Variants in INO80 observed in about 807,000 individuals in gnomAD.
INO80 encodes the protein INO80 complex ATPase subunit.
Under a neutral mutation model 203.4 loss-of-function variants are expected in INO80, and 20 were observed. The ratio of observed to expected loss-of-function variants is 0.10; its 90% confidence interval spans 0.07 to 0.14. INO80 has a LOEUF of 0.14. Ranked by LOEUF, INO80 falls within the 10% of genes least tolerant of loss-of-function variation. INO80 has a pLI of 1.00. For synonymous variants in INO80, 726 were observed against 685.2 expected (o/e 1.06, Z -0.93); for missense variants, 1,419 against 1,914.4 (o/e 0.74, Z 4.83).
intron 35 of INO80, 115 bp downstream of exon 35, chr15:40,982,747 G>A: frequency 1.2e-6 from 1 of 810,154 alleles, no homozygotes; most frequent in Non-Finnish European, 2.0e-6. Context: ...CCCAATTGGG[G>A]CTCTAGGAAG....
At chr15:41,069,129 A>G (rs1490857755) in intron 14 of INO80, among the ~76,000 whole-genome samples, 4 of 152,066 alleles carry the variant, frequency 2.6e-5, no homozygotes, top group African/African-American at 9.7e-5. Flanking sequence ...GGAACAATGT[A>G]TATTTTTGTT....
chr15:41,074,262 G>T, intron 10 of INO80, 108 bp downstream of exon 10: 1 of 639,370 alleles, frequency 1.6e-6, no homozygotes, highest in Non-Finnish European at 2.6e-6. Flanking sequence ...TCTCTTTTCT[G>T]GTAAATTACC....
chr15:41,060,693 T>C (rs75578916), intron 14 of INO80, among the ~76,000 whole-genome samples: 2 of 152,170 alleles, frequency 1.3e-5, no homozygotes, highest in African/African-American at 4.8e-5. Context: ...CAGTAAATCA[T>C]ACATAGACTT....
chr15:41,070,839 A>G (rs959897362), intron 12 of INO80, among the ~76,000 whole-genome samples: 2 of 152,216 alleles, frequency 1.3e-5, no homozygotes, highest in African/African-American at 4.8e-5. Flanking sequence ...TAAGAAATAC[A>G]CAAATATTCT....
chr15:41,087,723 T>C (rs201244254), intron 5 of INO80, 41 bp from the exon 6 acceptor site: 185 of 1,570,060 alleles, frequency 1.2e-4, no homozygotes, highest in Non-Finnish European at 1.4e-4. Context: ...TTTTCTATAG[T>C]ACAGCTTTCA....
At chr15:41,100,352 G>A (rs1322926430) in intron 1 of INO80, among the ~76,000 whole-genome samples, 1 of 152,276 alleles carries the variant, frequency 6.6e-6, no homozygotes, top group Non-Finnish European at 1.5e-5. Context: ...GGGATTACAG[G>A]TGTGAGCCAC....
At chr15:40,983,136 G>A (rs1305465372) in intron 34 of INO80, 59 bp from the exon 35 acceptor site, 2 of 1,375,986 alleles carry the variant, frequency 1.5e-6, no homozygotes, top group Non-Finnish European at 2.0e-6. Context: ...TCTCCAAGAT[G>A]TTAACATCAC....
intron 1 of INO80, among the ~76,000 whole-genome samples, chr15:41,103,168 T>C (rs1426803842): frequency 1.3e-5 from 2 of 152,214 alleles, no homozygotes; most frequent in African/African-American, 2.4e-5. Flanking sequence ...CACCCCCTTC[T>C]ACTTCTCTCC....
chr15:41,060,167 C>A (rs529016618), intron 14 of INO80, among the ~76,000 whole-genome samples: 13 of 152,226 alleles, frequency 8.5e-5, no homozygotes, highest in Non-Finnish European at 1.8e-4. Flanking sequence ...TACAGAGGCC[C>A]AAATCAGAAA....
intron 29 of INO80, among the ~76,000 whole-genome samples, chr15:40,988,909 G>T (rs1228843397): frequency 2.0e-5 from 3 of 152,052 alleles, no homozygotes; most frequent in Non-Finnish European, 4.4e-5. Context: ...CAGCTATCTG[G>T]GAGGCTAAGG....
intron 9 of INO80, 122 bp downstream of exon 9, chr15:41,079,574 CAAAAA>C (rs57754557): frequency 4.6e-6 from 3 of 646,502 alleles, no homozygotes; most frequent in Admixed American, 2.9e-5. Context: ...GCATCTCTAC[CAAAAA>C]AAAAAAAAAA....
At chr15:40,996,036 TGA>T (rs35496221) in intron 29 of INO80, among the ~76,000 whole-genome samples, 39 of 149,474 alleles carry the variant, frequency 2.6e-4, no homozygotes, top group South Asian at 6.3e-4. Flanking sequence ...ATCAGATTAG[TGA>T]GAGAGAGAGA....
At chr15:41,023,790 A>G (rs1296997204) in intron 25 of INO80, among the ~76,000 whole-genome samples, 11 of 140,450 alleles carry the variant, frequency 7.8e-5, no homozygotes, top group African/African-American at 2.1e-4. Context: ...AAAACAAAAC[A>G]AAACGAAAAA....
intron 29 of INO80, among the ~76,000 whole-genome samples, chr15:40,989,721 G>C (rs1001200284): frequency 6.6e-6 from 1 of 152,198 alleles, no homozygotes; most frequent in Non-Finnish European, 1.5e-5. Context: ...GAGATCACAG[G>C]TGCCTGCCAC....
chr15:41,031,738 G>C (rs1224912916), intron 24 of INO80, among the ~76,000 whole-genome samples: 1 of 151,820 alleles, frequency 6.6e-6, no homozygotes, highest in Admixed American at 6.6e-5. Flanking sequence ...TCATGCTCTT[G>C]AATGTCTCAT....
chr15:40,990,591 C>T (rs1212153926), intron 29 of INO80, among the ~76,000 whole-genome samples: 2 of 152,126 alleles, frequency 1.3e-5, no homozygotes, highest in Non-Finnish European at 1.5e-5. Flanking sequence ...AAACTGCTGG[C>T]GAAAGAAAGT....
chr15:41,112,108 C>T (rs1596335500), intron 1 of INO80, among the ~76,000 whole-genome samples: 1 of 152,202 alleles, frequency 6.6e-6, no homozygotes, highest in South Asian at 2.1e-4. Flanking sequence ...CCTATATTGA[C>T]CAGGCTGGTC....
At chr15:41,021,167 C>A (rs745604475) in intron 25 of INO80, 42 bp from the exon 26 acceptor site, 4 of 1,371,998 alleles carry the variant, frequency 2.9e-6, no homozygotes, top group Non-Finnish European at 2.1e-6. Flanking sequence ...TTCACGTTGT[C>A]CATACACACT....
Position 41,007,053 on chromosome 15 carries a change from C to T in INO80, c.3403-1366G>A, listed in dbSNP as rs564952012. Among the ~76,000 whole-genome samples, 5 of 151,990 alleles carry T rather than the reference C, an allele frequency of 3.3e-5. No individual in the cohort carries two copies. The South Asian group carries it at 8.3e-4, about 25-fold the overall frequency. On this transcript the variant is annotated intron_variant, in intron 27 of 35. Transcript: ENST00000648947. The stretch of plus-strand genomic sequence containing the variant: ...ATACCTTTTGCAGCTAATCCAATCA[C>T]AGAACGTTGCAATCAGAACAACAAA...
Sources: allele counts gnomAD v4.1 joint callset (sites outside exome capture counted in the v4.1 genomes callset), GRCh38; gene constraint gnomAD v4.1.1; transcripts MANE v1.5; gene names NCBI Gene and HGNC (gene_info 2026-07-23, HGNC 2026-07-21).